Variants in RYR1 observed in about 807,000 individuals in gnomAD.
RYR1 encodes the protein central core disease of muscle.
Under a neutral mutation model 583.5 loss-of-function variants are expected in RYR1, and 342 were observed. That is an observed-to-expected ratio of 0.59 (90% CI 0.54 to 0.64). The LOEUF (loss-of-function observed/expected upper bound fraction) is 0.64, where lower values mean the gene tolerates loss of function less well. RYR1 is among the 30% of genes least tolerant of loss of function. RYR1 has a pLI of 0.00. For synonymous variants in RYR1, 2,791 were observed against 2,822.5 expected, an observed-to-expected ratio of 0.99 and a Z score of 0.35; for missense variants, 6,032 against 6,917.2, an observed-to-expected ratio of 0.87 and a Z score of 4.54.
intron 26 of RYR1, 81 bp downstream of exon 26, chr19:38,469,221 C>G: frequency 1.2e-6 from 2 of 1,606,460 alleles, no homozygotes; most frequent in Non-Finnish European, 1.7e-6. Flanking sequence ...CTGCCTCCAA[C>G]TCTCCCATCC....
At position 38,460,743 on chromosome 19, in the gene RYR1, C is replaced by T. The variant is rs149887054; in HGVS notation, c.2577+152C>T. ...CTGTAAGCCCAGCAATTTGGGAGGCCGAGGCGGGTGGATCACCTGAGGTCA... is the reference window on the plus strand; with the variant it reads ...CTGTAAGCCCAGCAATTTGGGAGGCTGAGGCGGGTGGATCACCTGAGGTCA... On this transcript the variant is annotated intron_variant, in intron 20 of 105. Coordinates refer to ENST00000359596, the MANE Select transcript of RYR1 (RefSeq NM_000540.3). 8.5e-4 allele frequency: 632 copies of T among 743,982 alleles called. 1 individual carries two copies. The highest frequency in any genetic ancestry group is 1.6e-3 in the African/African-American group (93 of 57,690). The allele number at this position is 743,982 out of a possible 1,614,324, so 46.1% of individuals were successfully genotyped here. A position where few individuals can be genotyped will look rare whatever the true frequency, so the allele number is the denominator to read the frequency against.
rs1969450122 is a variant in RYR1, at chr19:38,489,382, A to G, written c.5753A>G (p.Lys1918Arg). 1 of 1,613,550 alleles carries G rather than the reference A, an allele frequency of 6.2e-7. No homozygotes were observed. Among genetic ancestry groups the G allele is most frequent in the Non-Finnish European group, 8.5e-7 (1 of 1,179,718 alleles). ...KEEEEAAEGE[K>R]EEGLEEGLLQ... ...GAAGAGGAGGCAGCAGAAGGGGAGAAAGAAGAAGGCTTGGAGGAAGGGCTG... is the reference window on the plus strand; with the variant it reads ...GAAGAGGAGGCAGCAGAAGGGGAGAGAGAAGAAGGCTTGGAGGAAGGGCTG... Residue 1918 changes from lysine to arginine, a missense_variant, in exon 35 of 106, where the codon AAA becomes AGA. Physicochemically the swap from Lys to Arg is conservative, Grantham distance 26. Coordinates refer to ENST00000359596, the MANE Select transcript of RYR1 (RefSeq NM_000540.3).
Position 38,573,247 on chromosome 19 carries a change from C to T in RYR1, c.14069C>T (p.Thr4690Met), listed in dbSNP as rs1210054382. The T allele has an allele frequency of 1.1e-5, 18 of 1,613,852 alleles. No homozygotes were observed. The highest frequency in any genetic ancestry group is 2.2e-5 in the South Asian group (2 of 91,084). ...RKLEFDGLYITEQPEDDDVKG... is the reference protein window; with the variant it reads ...RKLEFDGLYIMEQPEDDDVKG... ...CTGGAGTTTGATGGCCTGTACATCA[C>T]GGAGCAGCCTGAGGACGATGACGTG... Residue 4690 changes from threonine (T) to methionine (M), a missense_variant, in exon 96 of 106, where the codon ACG becomes ATG. Coordinates refer to ENST00000359596, the MANE Select transcript of RYR1 (RefSeq NM_000540.3).
intron 64 of RYR1, 118 bp downstream of exon 64, chr19:38,515,225 G>C: frequency 1.2e-6 from 1 of 839,830 alleles, no homozygotes. Flanking sequence ...TCCCGCACAC[G>C]GCGGCAGCCG....
chr19:38,551,498 C>G (rs1193581900), intron 89 of RYR1, among the ~76,000 whole-genome samples: 1 of 152,110 alleles, frequency 6.6e-6, no homozygotes, highest in Admixed American at 6.6e-5. Flanking sequence ...CCCCCAAGAG[C>G]CTCACTGTGT....
At chr19:38,548,155 G>T in intron 88 of RYR1, 78 bp from the exon 89 acceptor site, 1 of 1,526,732 alleles carries the variant, frequency 6.5e-7, no homozygotes, top group South Asian at 1.1e-5. Context: ...GTGGCTCCTG[G>T]GCTGGAAAGA....
At position 38,565,068 on chromosome 19, in the gene RYR1, A is replaced by T; in HGVS notation, c.12734A>T (p.Gln4245Leu). ...SFCEDTIFEM[Q>L]IAAQISEPEG... The stretch of plus-strand genomic sequence containing the variant: ...TGCGAGGACACCATCTTCGAGATGC[A>T]GATCGCCGCGCAGATCTCGGAGCCC... The change falls in exon 91 of 106, where the codon CAG becomes CTG. Residue 4245 changes from glutamine (Q) to leucine (L), a missense_variant. By Grantham distance (113) the Gln-to-Leu change is moderately radical. Transcript: ENST00000359596. The surrounding 1 kb of genome is among the most constrained non-coding windows in gnomAD (Gnocchi z 4.7). 6.4e-7 allele frequency: 1 copy of T among 1,562,846 alleles called. No individual in the cohort carries two copies. The highest frequency in any genetic ancestry group is 1.2e-5 in the South Asian group (1 of 84,990).
chr19:38,578,001 A>C lies in RYR1; in HGVS notation c.14256A>C (p.Thr4752=), dbSNP rs1468571. 0.046 allele frequency: 74,288 copies of C among 1,613,922 alleles called. 5,311 individuals are homozygous for C. Among genetic ancestry groups the C allele is most frequent in the African/African-American group, 0.3 (22,259 of 74,926 alleles). ...LGMDLATLEI[T]AHNERKPNPP... The stretch of plus-strand genomic sequence containing the variant: ...TGGACCTGGCCACACTAGAGATCAC[A>C]GCCCACAATGAGCGCAAGCCCAACC... The change falls in exon 98 of 106, where the codon ACA becomes ACC. Residue 4752 remains threonine (T), a synonymous_variant. Transcript: ENST00000359596.
At chr19:38,454,714 G>C (rs565896257) in intron 13 of RYR1, among the ~76,000 whole-genome samples, 12 of 151,626 alleles carry the variant, frequency 7.9e-5, no homozygotes, top group African/African-American at 2.9e-4. Context: ...AATGAGAATT[G>C]ATTGTATATG....
rs111408211 is a variant in RYR1, at chr19:38,459,226, A to G, written c.2248A>G (p.Ser750Gly). ...CGTGATCAGCTGCTGCCTGGACCTC[A>G]GCGTGCCGTCCATCTCCTTCCGCAT... ...EDVISCCLDL[S>G]VPSISFRING... Residue 750 changes from serine (S) to glycine (G), a missense_variant, in exon 19 of 106, where the codon AGC becomes GGC. Physicochemically the swap from Ser to Gly is moderately conservative, Grantham distance 56 (BLOSUM62 0). This residue lies in a region of RYR1 where 2,627 missense variants were observed against 2,961.3 expected (regional missense o/e 0.89). Transcript: ENST00000359596. 2 of 1,614,112 alleles carry G rather than the reference A, an allele frequency of 1.2e-6. No homozygotes were observed. The highest frequency in any genetic ancestry group is 1.7e-6 in the Non-Finnish European group (2 of 1,179,998).
In RYR1 at chr19:38,565,459, G is replaced by C. The variant is rs780797818; in HGVS notation, c.13125G>C (p.Thr4375=). ...GGLVEGAKKV[T]VTELLAGMPD... ...TGGTGGAGGGCGCCAAGAAGGTGACGGTGACCGAGCTCCTGGCAGGCATGC... is the reference window on the plus strand; with the variant it reads ...TGGTGGAGGGCGCCAAGAAGGTGACCGTGACCGAGCTCCTGGCAGGCATGC... Residue 4375 remains threonine (T), a synonymous_variant, in exon 91 of 106, where the codon ACG becomes ACC. Coordinates refer to ENST00000359596, the MANE Select transcript of RYR1 (RefSeq NM_000540.3). This position sits in a 1 kb window ranked among gnomAD's most constrained non-coding sequence, Gnocchi z 4.7. 6.0e-6 allele frequency: 9 copies of C among 1,501,590 alleles called. No individual in the cohort carries two copies. In the South Asian group the frequency reaches 1.1e-4, roughly 19 times the overall value. The allele number at this position is 1,501,590 out of a possible 1,614,324, so 93.0% of individuals were successfully genotyped here.
Position 38,571,936 on chromosome 19 carries a change from C to G in RYR1, c.13747-83C>G. The stretch of plus-strand genomic sequence containing the variant: ...AGACTGTATCTGGTATGGTCCCAGT[C>G]CAATCTCGGGAATGGAGGCTCAATT... On this transcript the variant is annotated intron_variant, in intron 94 of 105. Transcript: ENST00000359596. 3 of 1,592,560 alleles carry G rather than the reference C, an allele frequency of 1.9e-6. No homozygotes were observed. In the South Asian group the frequency reaches 3.3e-5, roughly 18 times the overall value.
chr19:38,494,046 A>G (rs1969684025), intron 38 of RYR1, among the ~76,000 whole-genome samples: 1 of 152,170 alleles, frequency 6.6e-6, no homozygotes, highest in Admixed American at 6.5e-5. Flanking sequence ...GCTCACACCT[A>G]TAACCCTAGC....
At chr19:38,562,930 G>A (rs1021599694) in intron 90 of RYR1, among the ~76,000 whole-genome samples, 1 of 152,100 alleles carries the variant, frequency 6.6e-6, no homozygotes, top group African/African-American at 2.4e-5. Flanking sequence ...TGCCCCTCGG[G>A]GCCCCACTGC....
At chr19:38,446,624 C>G in intron 8 of RYR1, 59 bp downstream of exon 8, 1 of 1,602,158 alleles carries the variant, frequency 6.2e-7, no homozygotes, top group Admixed American at 1.7e-5. Flanking sequence ...GGCTGGGACC[C>G]TATGAGTAGG....
At position 38,543,484 on chromosome 19, in the gene RYR1, GCCATGGTCGGCC is replaced by G. The variant is rs776516026; in HGVS notation, c.11779-44_11779-33del. 2.5e-6 allele frequency: 4 copies of G among 1,614,228 alleles called. No individual in the cohort carries two copies. The highest frequency in any genetic ancestry group is 3.4e-6 in the Non-Finnish European group (4 of 1,180,022). On this transcript the variant is annotated intron_variant, in intron 85 of 105. Coordinates refer to ENST00000359596, the MANE Select transcript of RYR1 (RefSeq NM_000540.3). This position sits in a 1 kb window ranked among gnomAD's most constrained non-coding sequence, Gnocchi z 4.4. ...TGTGACTTGGGTCGGGGGCTGCAGGGCCATGGTCGGCCCCAGCACCCCCTCACACCCTACCCG... is the reference window on the plus strand; with the variant it reads ...TGTGACTTGGGTCGGGGGCTGCAGGGCCAGCACCCCCTCACACCCTACCCG...
chr19:38,436,621 T>C (rs1303452537), intron 1 of RYR1, among the ~76,000 whole-genome samples: 1 of 152,200 alleles, frequency 6.6e-6, no homozygotes, highest in East Asian at 1.9e-4. Flanking sequence ...CTGTGGTGTG[T>C]TTATCAGTTC....
Position 38,519,404 on chromosome 19 carries a change from G to A in RYR1, c.10209G>A (p.Arg3403=), listed in dbSNP as rs1404683801. ...LVRDEFSVLC[R]DLYALYPLLI... is the part of the protein sequence containing the mutation. ...GGGACGAGTTCTCTGTGCTCTGCCG[G>A]GACCTCTACGCCCTGTATCCGCTGC... Residue 3403 remains arginine, a synonymous_variant, in exon 67 of 106, where the codon CGG becomes CGA. Coordinates refer to ENST00000359596, the MANE Select transcript of RYR1 (RefSeq NM_000540.3). 6.2e-7 allele frequency: 1 copy of A among 1,603,098 alleles called. No individual in the cohort carries two copies. Among genetic ancestry groups the A allele is most frequent in the Admixed American group, 1.7e-5 (1 of 58,660 alleles).
At chr19:38,501,459 C>T (rs556272315) in intron 47 of RYR1, among the ~76,000 whole-genome samples, 1 of 152,336 alleles carries the variant, frequency 6.6e-6, no homozygotes, top group African/African-American at 2.4e-5. Flanking sequence ...GATCGTGCCG[C>T]TGCACTCCCG....
Sources: gnomAD v4.1 joint callset for allele counts (sites outside exome capture counted in the v4.1 genomes callset) on GRCh38, gnomAD v4.1.1 for gene constraint, gnomAD v4.1.1 regional missense constraint, Gnocchi (gnomAD v3.1) non-coding constraint, MANE v1.5 for transcripts, NCBI Gene and HGNC (gene_info 2026-07-23, HGNC 2026-07-21) for gene names.